Variants in DLG2 observed in about 807,000 individuals in gnomAD.
DLG2 encodes the protein discs large MAGUK scaffold protein 2.
A neutral mutation model predicts 132.5 loss-of-function variants in DLG2; 45 were observed. The observed-to-expected ratio is 0.34, with a 90% CI of 0.27 to 0.44. The LOEUF is 0.44. Ranked by LOEUF, DLG2 falls within the 20% of genes least tolerant of loss-of-function variation. The probability of loss-of-function intolerance (pLI) is 1.00; values close to 1 mark genes in which losing one functional copy is unlikely to be tolerated. For synonymous variants in DLG2, 424 were observed against 419.6 expected (o/e 1.01, Z -0.13); for missense variants, 1,045 against 1,196.9 (o/e 0.87, Z 1.87).
chr11:84,122,833 A>G (rs1310595277), intron 9 of DLG2, among the ~76,000 whole-genome samples: 1 of 152,122 alleles, frequency 6.6e-6, no homozygotes, highest in Non-Finnish European at 1.5e-5. Context: ...TAACACACAC[A>G]CATAGACACA....
intron 15 of DLG2, among the ~76,000 whole-genome samples, chr11:83,906,255 TCTCACACACACACACACACACA>T (rs1565585286): frequency 1.0e-5 from 1 of 96,932 alleles, no homozygotes. Flanking sequence ...TCTCTCTCTC[TCTCACACACACACACACACACA>T]CACACACACA....
At chr11:84,789,030 A>T (rs2073394662) in intron 6 of DLG2, among the ~76,000 whole-genome samples, 1 of 152,210 alleles carries the variant, frequency 6.6e-6, no homozygotes, top group Admixed American at 6.5e-5. Flanking sequence ...CTCAGAAAAT[A>T]ATGCAAGGAA....
intron 6 of DLG2, chr11:84,887,110 C>T (rs1051157788): frequency 3.3e-5 from 5 of 152,074 alleles, no homozygotes; most frequent in African/African-American, 9.7e-5. Flanking sequence ...ATGTTAAATT[C>T]ATACTTTAGG....
chr11:84,657,550 G>A (rs1323431089), intron 6 of DLG2, among the ~76,000 whole-genome samples: 1 of 152,114 alleles, frequency 6.6e-6, no homozygotes, highest in Non-Finnish European at 1.5e-5. Context: ...ACAGATTCAG[G>A]ATGAAACTGT....
rs191385847 is a variant in DLG2, at chr11:84,332,115, G to C, written c.520-80824C>G. Among the ~76,000 whole-genome samples the C allele has an allele frequency of 3.6e-4, 55 of 151,666 alleles. 1 individual carries two copies. Among genetic ancestry groups the C allele is most frequent in the African/African-American group, 1.2e-3 (48 of 41,332 alleles). ...TGTGCAATTTCCTAAACAATCATCC[G>C]TTAGTAAAGAAAAGCTGAAAATCAA... On this transcript the variant is annotated intron_variant, in intron 7 of 27. Transcript: ENST00000376104.
At chr11:85,609,571 C>T (rs2080843714) in intron 2 of DLG2, among the ~76,000 whole-genome samples, 1 of 152,148 alleles carries the variant, frequency 6.6e-6, no homozygotes, top group Non-Finnish European at 1.5e-5. Flanking sequence ...AAACAAGCTG[C>T]CCCCTCGTCC....
intron 15 of DLG2, among the ~76,000 whole-genome samples, chr11:83,928,824 T>A (rs1307102282): frequency 6.6e-6 from 1 of 152,190 alleles, no homozygotes; most frequent in Non-Finnish European, 1.5e-5. Context: ...ACAAAATGCC[T>A]GGCACAGAAG....
chr11:85,102,205 G>T (rs2070981735), intron 6 of DLG2, among the ~76,000 whole-genome samples: 1 of 151,996 alleles, frequency 6.6e-6, no homozygotes, highest in Non-Finnish European at 1.5e-5. Context: ...GCCAAATTGG[G>T]AATCCAAAGG....
chr11:84,923,300 T>C (rs2092846324), intron 6 of DLG2: 1 of 1,432,360 alleles, frequency 7.0e-7, no homozygotes, highest in South Asian at 1.5e-5. Context: ...GAGTGAGAGC[T>C]CAAAATCTCT....
chr11:85,293,551 A>T (rs2079041454), intron 3 of DLG2, among the ~76,000 whole-genome samples: 1 of 152,210 alleles, frequency 6.6e-6, no homozygotes, highest in Non-Finnish European at 1.5e-5. Context: ...TCATAAGGAA[A>T]CATCAGACAA....
intron 6 of DLG2, among the ~76,000 whole-genome samples, chr11:85,043,532 TATACTTTAAAAGTAAAAGGC>T (rs2062048788): frequency 6.6e-6 from 1 of 151,746 alleles, no homozygotes; most frequent in South Asian, 2.1e-4. Flanking sequence ...TCAACAAAAA[TATACTTTAAAAGTAAAAGGC>T]ACTGTATGCA....
At chr11:84,430,286 A>T (rs2154472662) in intron 7 of DLG2, among the ~76,000 whole-genome samples, 1 of 152,126 alleles carries the variant, frequency 6.6e-6, no homozygotes, top group South Asian at 2.1e-4. Context: ...AAATACAAAA[A>T]AAATTAGCTG....
At chr11:85,217,331 C>CACACACAT (rs2082689307) in intron 4 of DLG2, among the ~76,000 whole-genome samples, 1 of 151,716 alleles carries the variant, frequency 6.6e-6, no homozygotes, top group Admixed American at 6.6e-5. Flanking sequence ...CACACACACA[C>CACACACAT]ACACACACAC....
intron 7 of DLG2, among the ~76,000 whole-genome samples, chr11:84,429,950 C>T (rs906240279): frequency 6.6e-6 from 1 of 152,134 alleles, no homozygotes; most frequent in Non-Finnish European, 1.5e-5. Context: ...GAAGTCAGGT[C>T]TCATTTCCAG....
chr11:84,598,334 T>C (rs2154531777), intron 6 of DLG2, among the ~76,000 whole-genome samples: 1 of 152,306 alleles, frequency 6.6e-6, no homozygotes, highest in South Asian at 2.1e-4. Flanking sequence ...CAACCCTTGA[T>C]GCCCAAGCTG....
Position 84,534,664 on chromosome 11 carries a change from C to T in DLG2, c.425G>A (p.Arg142Lys). 2 of 1,614,068 alleles carry T rather than the reference C, an allele frequency of 1.2e-6. No individual in the cohort carries two copies. Among genetic ancestry groups the T allele is most frequent in the East Asian group, 2.2e-5 (1 of 44,876 alleles). Reference sequence around the variant, plus strand: ...TGATACATGCACGAGTTCTGGGCCTCTTACTTCGTGGGTTAGTCGAGGTAA... The same window carrying T: ...TGATACATGCACGAGTTCTGGGCCTTTTACTTCGTGGGTTAGTCGAGGTAA... ...HSLPRLTHEV[R>K]GPELVHVSEK... is the part of the protein sequence containing the mutation. The change falls in exon 7 of 28, where the codon AGA (arginine) becomes AAA (lysine). Residue 142 changes from arginine (R) to lysine (K), a missense_variant. Around this residue, in one of 4 missense-constraint regions of DLG2, gnomAD observed 277 missense variants for 238.2 expected, o/e 1.16. Coordinates refer to ENST00000376104, the MANE Select transcript of DLG2 (RefSeq NM_001142699.3).
chr11:84,299,063 C>T (rs1017862147), intron 7 of DLG2, among the ~76,000 whole-genome samples: 5 of 152,168 alleles, frequency 3.3e-5, no homozygotes, highest in Admixed American at 6.5e-5. Flanking sequence ...AGAAACGTTC[C>T]ACATATTTTA....
intron 3 of DLG2, among the ~76,000 whole-genome samples, chr11:85,428,012 G>A (rs2090896099): frequency 6.6e-6 from 1 of 152,112 alleles, no homozygotes; most frequent in Non-Finnish European, 1.5e-5. Context: ...AACCAACAAA[G>A]ATCAAAAGAG....
At chr11:85,402,709 G>C (rs2088270949) in intron 3 of DLG2, among the ~76,000 whole-genome samples, 1 of 152,178 alleles carries the variant, frequency 6.6e-6, no homozygotes, top group African/African-American at 2.4e-5. Flanking sequence ...CTCAAAAGAA[G>C]ACATTTATGC....
Sources: gnomAD v4.1 joint callset for allele counts (sites outside exome capture counted in the v4.1 genomes callset) on GRCh38, gnomAD v4.1.1 for gene constraint, gnomAD v4.1.1 regional missense constraint, MANE v1.5 for transcripts, NCBI Gene and HGNC (gene_info 2026-07-23, HGNC 2026-07-21) for gene names.